Variants in SCARA5 observed in about 807,000 individuals in gnomAD.
SCARA5 encodes scavenger receptor class A, member 5 (putative).
SCARA5 carries 45 observed loss-of-function variants against 46.3 expected under a neutral mutation model. The ratio of observed to expected loss-of-function variants is 0.97; its 90% CI spans 0.76 to 1.24. The LOEUF is 1.24. SCARA5 is among the 50% of genes most tolerant of loss of function. SCARA5 has a pLI of 0.00. For missense variants in SCARA5, 680 were observed against 689.0 expected (o/e 0.99, Z 0.15); for synonymous variants, 333 against 306.5 (o/e 1.09, Z -0.90).
intron 2 of SCARA5, among the ~76,000 whole-genome samples, chr8:27,970,998 A>G (rs897487896): frequency 1.3e-5 from 2 of 152,252 alleles, no homozygotes. Flanking sequence ...ACACACTTAT[A>G]ATAGATGCTG....
intron 7 of SCARA5, among the ~76,000 whole-genome samples, chr8:27,881,962 G>A (rs188616612): frequency 2.6e-5 from 4 of 152,230 alleles, no homozygotes; most frequent in East Asian, 1.9e-4. Flanking sequence ...ATGTGTATTC[G>A]CCATTACGAT....
intron 3 of SCARA5, among the ~76,000 whole-genome samples, chr8:27,958,884 A>G (rs768409132): frequency 2.6e-5 from 4 of 152,174 alleles, no homozygotes; most frequent in Non-Finnish European, 5.9e-5. Context: ...TGAGGGCTGC[A>G]TGGTATTCCA....
chr8:27,915,686 T>A (rs1021714776), intron 4 of SCARA5, among the ~76,000 whole-genome samples: 5 of 152,222 alleles, frequency 3.3e-5, no homozygotes, highest in Non-Finnish European at 7.3e-5. Context: ...GCGAACTTGT[T>A]TTCATGAATC....
intron 3 of SCARA5, among the ~76,000 whole-genome samples, chr8:27,946,793 C>T (rs941705176): frequency 2.0e-5 from 3 of 152,122 alleles, no homozygotes; most frequent in East Asian, 1.9e-4. Context: ...TGGAATGCCC[C>T]CCTTTCTGAT....
intron 3 of SCARA5, among the ~76,000 whole-genome samples, chr8:27,952,610 G>A (rs1268663496): frequency 1.3e-5 from 2 of 152,144 alleles, no homozygotes; most frequent in Non-Finnish European, 2.9e-5. Context: ...ATGCAGAGAG[G>A]CAGAATAATG....
chr8:27,878,288 A>G (rs575895701), intron 8 of SCARA5, among the ~76,000 whole-genome samples: 4 of 152,312 alleles, frequency 2.6e-5, no homozygotes, highest in Admixed American at 6.5e-5. Flanking sequence ...CCCTTTAGTT[A>G]CAGACAGGAC....
At chr8:27,938,441 C>G (rs750172334) in intron 3 of SCARA5, among the ~76,000 whole-genome samples, 1 of 152,136 alleles carries the variant, frequency 6.6e-6, no homozygotes, top group Non-Finnish European at 1.5e-5. Context: ...AAGGGGCCCT[C>G]AAAGACTCAC....
chr8:27,989,887 T>C (rs865888844), intron 1 of SCARA5, among the ~76,000 whole-genome samples: 40 of 152,348 alleles, frequency 2.6e-4, no homozygotes, highest in Middle Eastern at 3.4e-3. Context: ...ATGAGCACTG[T>C]GTGCGGCAGC....
intron 1 of SCARA5, among the ~76,000 whole-genome samples, chr8:27,989,574 C>T (rs1425544657): frequency 6.6e-6 from 1 of 152,214 alleles, no homozygotes; most frequent in Non-Finnish European, 1.5e-5. Flanking sequence ...CCCTTCTGTA[C>T]ATCCCCCATA....
chr8:27,991,534 C>T (rs1585532860), intron 1 of SCARA5, among the ~76,000 whole-genome samples: 1 of 152,184 alleles, frequency 6.6e-6, no homozygotes, highest in African/African-American at 2.4e-5. Flanking sequence ...AATTCCTCCT[C>T]TGAGTGGGTA....
At chr8:27,898,695 G>A (rs768805830) in intron 7 of SCARA5, among the ~76,000 whole-genome samples, 1 of 152,166 alleles carries the variant, frequency 6.6e-6, no homozygotes, top group Non-Finnish European at 1.5e-5. Flanking sequence ...GAGTTTGGGT[G>A]GGATCGAAGG....
chr8:27,873,200 A>T (rs569246265), intron 8 of SCARA5, among the ~76,000 whole-genome samples: 179 of 151,812 alleles, frequency 1.2e-3, no homozygotes, highest in Non-Finnish European at 2.3e-3. Flanking sequence ...AATCTCTCCC[A>T]CTCTAGGTTC....
At chr8:27,890,365 A>C (rs1238850804) in intron 7 of SCARA5, among the ~76,000 whole-genome samples, 4 of 152,178 alleles carry the variant, frequency 2.6e-5, no homozygotes, top group Admixed American at 1.3e-4. Flanking sequence ...GCAGGCTGGC[A>C]CTCCTAGAAC....
chr8:27,897,637 G>C (rs1241160973), intron 7 of SCARA5, among the ~76,000 whole-genome samples: 1 of 152,198 alleles, frequency 6.6e-6, no homozygotes, highest in African/African-American at 2.4e-5. Flanking sequence ...GGCACCGCAG[G>C]CTCGGCTGCC....
intron 3 of SCARA5, among the ~76,000 whole-genome samples, chr8:27,926,625 G>T (rs1044253885): frequency 3.3e-5 from 5 of 152,114 alleles, no homozygotes; most frequent in African/African-American, 1.2e-4. Flanking sequence ...AATAGAAGAT[G>T]CTCTCAGAGG....
At position 27,972,038 on chromosome 8, in the gene SCARA5, T is replaced by A. The variant is rs543846075; in HGVS notation, c.113-5496A>T. On this transcript the variant is annotated intron_variant, in intron 2 of 8. Coordinates refer to ENST00000354914, the MANE Select transcript of SCARA5 (RefSeq NM_173833.6). ...TTATACATTAAAATAGATACCTGGCTGGGCCCGGTGGCTCACCCCTGTAAT... is the reference window on the plus strand; with the variant it reads ...TTATACATTAAAATAGATACCTGGCAGGGCCCGGTGGCTCACCCCTGTAAT... Among the ~76,000 whole-genome samples the A allele has an allele frequency of 1.1e-4, 16 of 152,278 alleles. No homozygotes were observed. The South Asian group carries it at 3.1e-3, about 30-fold the overall frequency.
At position 27,909,721 on chromosome 8, in the gene SCARA5, A is replaced by C. The variant is rs1807341499; in HGVS notation, c.939T>G (p.Asp313Glu). Residue 313 changes from aspartate (D) to glutamate (E), a missense_variant, in exon 5 of 9, where the codon GAT becomes GAG. By Grantham distance (45) the Asp-to-Glu change is conservative. Transcript: ENST00000354914. ...LAKGPPGPKG[D>E]QGDEGKEGRP... ...TGCCTTCCTTTCCTTCATCCCCCTGATCACCTTTGGGTCCCGGTGGCCCTG... is the reference window on the plus strand; with the variant it reads ...TGCCTTCCTTTCCTTCATCCCCCTGCTCACCTTTGGGTCCCGGTGGCCCTG... The C allele has an allele frequency of 6.4e-7, 1 of 1,551,122 alleles. No individual in the cohort carries two copies. The highest frequency in any genetic ancestry group is 2.0e-5 in the Admixed American group (1 of 50,970).
chr8:27,902,421 G>C (rs535618060), intron 7 of SCARA5, among the ~76,000 whole-genome samples: 61 of 152,222 alleles, frequency 4.0e-4, no homozygotes, highest in African/African-American at 1.4e-3. Flanking sequence ...CCAGTACAGA[G>C]CCCACCAGCC....
rs1248211485 is a variant in SCARA5 at position 27,882,805 on chromosome 8, T to C, written c.1154-3039A>G. On this transcript the variant is annotated intron_variant, in intron 7 of 8. Transcript: ENST00000354914. ...ATATCAAGTGCCAGGTGCTTCCTGA[T>C]TTCACAGACATATAAATGTGTGTCA... Among the ~76,000 whole-genome samples the C allele has an allele frequency of 3.6e-4, 55 of 152,218 alleles. 1 individual carries two copies. The highest frequency in any genetic ancestry group is 1.5e-5 in the Non-Finnish European group (1 of 68,042).
Sources: gnomAD v4.1 joint callset for allele counts (sites outside exome capture counted in the v4.1 genomes callset) on GRCh38, gnomAD v4.1.1 for gene constraint, MANE v1.5 for transcripts, NCBI Gene and HGNC (gene_info 2026-07-23, HGNC 2026-07-21) for gene names.